ABCC1: variants seen among roughly 807,000 people sequenced by gnomAD.
The protein encoded by ABCC1 is multidrug resistance-associated protein 1.
ABCC1 carries 83 observed loss-of-function variants against 172.9 expected under a neutral mutation model. That is an observed-to-expected ratio of 0.48 (90% confidence interval 0.40 to 0.58). The LOEUF (loss-of-function observed/expected upper bound fraction) is 0.58. ABCC1 is among the 20% of genes least tolerant of loss of function. The pLI, the probability that ABCC1 is intolerant of heterozygous loss-of-function variation, is 0.00. For missense variants in ABCC1, 1,817 were observed against 2,002.7 expected (o/e 0.91, Z 1.77); for synonymous variants, 937 against 825.2 (o/e 1.14, Z -2.32).
In ABCC1 at chr16:16,071,062, C is replaced by G. The variant is rs561311584; in HGVS notation, c.1825-580C>G. ...GTCCCTTTTCCACCAGGCCTCTGCCCTTTTCTTCTTTTATTTTTATTTTTA... is the reference window on the plus strand; with the variant it reads ...GTCCCTTTTCCACCAGGCCTCTGCCGTTTTCTTCTTTTATTTTTATTTTTA... On this transcript the variant is annotated intron_variant, in intron 13 of 30. Coordinates refer to ENST00000399410, the MANE Select transcript of ABCC1 (RefSeq NM_004996.4). Among the ~76,000 whole-genome samples the G allele has an allele frequency of 1.2e-4, 18 of 152,028 alleles. No individual in the cohort carries two copies. The South Asian group carries it at 3.7e-3, about 32-fold the overall frequency.
At chr16:16,015,744 T>C (rs1430928603) in intron 4 of ABCC1, among the ~76,000 whole-genome samples, 1 of 152,184 alleles carries the variant, frequency 6.6e-6, no homozygotes, top group African/African-American at 2.4e-5. Context: ...CTGTGCTTTG[T>C]AGACATTTAG....
intron 11 of ABCC1, 98 bp from the exon 12 acceptor site, chr16:16,055,994 G>A (rs1174976209): frequency 7.7e-6 from 8 of 1,045,522 alleles, no homozygotes; most frequent in Middle Eastern, 4.5e-4. Context: ...ACATGTCAAA[G>A]TATATAATAA....
chr16:16,128,656 T>C (rs1004751918), intron 26 of ABCC1, among the ~76,000 whole-genome samples: 4 of 152,202 alleles, frequency 2.6e-5, no homozygotes, highest in Non-Finnish European at 5.9e-5. Context: ...CCTTCAATTA[T>C]GTACATAAAT....
chr16:16,093,166 A>C (rs897023446), intron 19 of ABCC1, among the ~76,000 whole-genome samples: 2 of 150,178 alleles, frequency 1.3e-5, no homozygotes, highest in African/African-American at 2.5e-5. Context: ...TCTATCTCTC[A>C]GCCCGAGCAA....
intron 1 of ABCC1, among the ~76,000 whole-genome samples, chr16:15,971,385 C>T (rs2046365180): frequency 6.6e-6 from 1 of 152,148 alleles, no homozygotes; most frequent in Non-Finnish European, 1.5e-5. Flanking sequence ...TTTGGGTGGA[C>T]CCAGTTTCTA....
upstream of ABCC1, chr16:15,949,579 A>G (rs966012378): frequency 9.7e-4 from 157 of 162,616 alleles, no homozygotes; most frequent in African/African-American, 4.0e-3. Context: ...CGGGCCAACC[A>G]GGCGGCGTTG....
At chr16:16,028,267 A>T (rs539212841) in intron 5 of ABCC1, among the ~76,000 whole-genome samples, 2 of 152,026 alleles carry the variant, frequency 1.3e-5, no homozygotes, top group African/African-American at 4.8e-5. Flanking sequence ...GATTGTAATT[A>T]TATATTTGTT....
At chr16:15,984,224 T>C (rs1237149744) in intron 1 of ABCC1, among the ~76,000 whole-genome samples, 1 of 152,158 alleles carries the variant, frequency 6.6e-6, no homozygotes, top group African/African-American at 2.4e-5. Context: ...GGAAGCCCTT[T>C]GTGCACAGAT....
chr16:15,971,610 G>T (rs116543855), intron 1 of ABCC1, among the ~76,000 whole-genome samples: 214 of 152,278 alleles, frequency 1.4e-3, no homozygotes, highest in African/African-American at 4.8e-3. Flanking sequence ...ACTTCTTCTG[G>T]CTACTTCCTG....
rs939059682 is a variant in ABCC1 at position 16,083,420 on chromosome 16, G to A, written c.2170G>A (p.Glu724Lys). 3 of 1,613,782 alleles carry A rather than the reference G, an allele frequency of 1.9e-6. No homozygotes were observed. The African/African-American group carries it at 4.0e-5, about 22-fold the overall frequency. The change falls in exon 17 of 31, where the codon GAA (glutamate) becomes AAA (lysine). Residue 724 changes from glutamate to lysine, a missense_variant. Physicochemically the swap from Glu to Lys is moderately conservative, Grantham distance 56. Around this residue, in one of 3 missense-constraint regions of ABCC1, gnomAD observed 1,412 missense variants for 1,600.3 expected, o/e 0.88. Transcript: ENST00000399410. ...CTGGATTCAGAATGATTCTCTCCGA[G>A]AAAACATCCTTTTTGGATGTCAGCT... is the stretch of plus-strand genomic sequence containing the variant. ...QAWIQNDSLR[E>K]NILFGCQLEE...
rs899204370 is a variant in ABCC1 at position 16,124,897 on chromosome 16, A to G, written c.3699A>G (p.Ser1233=). The change falls in exon 25 of 31, where the codon TCA becomes TCG. Residue 1233 remains serine, a synonymous_variant. Coordinates refer to ENST00000399410, the MANE Select transcript of ABCC1 (RefSeq NM_004996.4). The part of the protein sequence containing the change: ...HSLSAGLVGL[S]VSYSLQVTTY... ...TCAGTGCTGGCTTGGTGGGCCTCTC[A>G]GTGTCTTACTCATTGCAGGTAAGAG... The G allele has an allele frequency of 1.2e-6, 2 of 1,614,062 alleles. No individual in the cohort carries two copies. Among genetic ancestry groups the G allele is most frequent in the South Asian group, 1.1e-5 (1 of 91,086 alleles).
At chr16:16,098,354 C>CTG (rs2051572676) in intron 19 of ABCC1, 1 of 180,800 alleles carries the variant, frequency 5.5e-6, no homozygotes. Context: ...CATGGTGGCT[C>CTG]ACGCCTGTAA....
intron 7 of ABCC1, among the ~76,000 whole-genome samples, chr16:16,042,312 A>G: frequency 6.6e-6 from 1 of 152,028 alleles, no homozygotes; most frequent in Non-Finnish European, 1.5e-5. Flanking sequence ...CTTTGTGATA[A>G]CCCAAACTGG....
At chr16:15,977,243 C>T (rs1478113944) in intron 1 of ABCC1, among the ~76,000 whole-genome samples, 1 of 152,146 alleles carries the variant, frequency 6.6e-6, no homozygotes, top group African/African-American at 2.4e-5. Flanking sequence ...TTCACAACTT[C>T]TGGGAGCTTT....
chr16:16,134,534 G>T, intron 28 of ABCC1, 26 bp downstream of exon 28: 4 of 1,613,180 alleles, frequency 2.5e-6, no homozygotes, highest in Non-Finnish European at 3.4e-6. Context: ...GGCCCAGGGG[G>T]TGAGCCAGAG....
intron 26 of ABCC1, among the ~76,000 whole-genome samples, chr16:16,127,643 C>G (rs909551416): frequency 1.3e-5 from 2 of 152,208 alleles, no homozygotes; most frequent in Admixed American, 1.3e-4. Flanking sequence ...GAGACCCTAT[C>G]CAGTGCCATG....
At chr16:16,019,494 C>G (rs1289144686) in intron 5 of ABCC1, among the ~76,000 whole-genome samples, 3 of 152,182 alleles carry the variant, frequency 2.0e-5, no homozygotes, top group African/African-American at 7.2e-5. Context: ...TAAACAGAGT[C>G]TGGTTGGGGC....
rs565212263 is a variant in ABCC1 at position 16,002,544 on chromosome 16, G to A, written c.49-5272G>A. On this transcript the variant is annotated intron_variant, in intron 1 of 30. Transcript: ENST00000399410. ...TCCCAGCACTTTGGGTGGCCAAGGC[G>A]AGTGGATCGCTTGAGCTCAGGACTT... is the stretch of plus-strand genomic sequence containing the variant. Among the ~76,000 whole-genome samples, 234 of 152,306 alleles carry A rather than the reference G, an allele frequency of 1.5e-3. 2 individuals carry two copies. Among genetic ancestry groups the A allele is most frequent in the African/African-American group, 5.2e-3 (217 of 41,580 alleles).
Position 16,063,710 on chromosome 16 carries a change from G to A in ABCC1, c.1678-4446G>A, listed in dbSNP as rs45602735. ...CCAAGATAATGTTGGGAATAACAAC[G>A]TCTCTGACTCTCAGCTCTGCTTTCT... On this transcript the variant is annotated intron_variant, in intron 12 of 30. Coordinates refer to ENST00000399410, the MANE Select transcript of ABCC1 (RefSeq NM_004996.4). 4.6e-3 allele frequency among the ~76,000 whole-genome samples: 700 copies of A among 152,232 alleles called. 4 individuals carry two copies. Among genetic ancestry groups the A allele is most frequent in the African/African-American group, 0.016 (672 of 41,550 alleles).
Sources: gnomAD v4.1 joint callset for allele counts (sites outside exome capture counted in the v4.1 genomes callset) on GRCh38, gnomAD v4.1.1 for gene constraint, gnomAD v4.1.1 regional missense constraint, MANE v1.5 for transcripts, NCBI Gene and HGNC (gene_info 2026-07-23, HGNC 2026-07-21) for gene names.